Variants in PRKAG2 observed in about 807,000 individuals in gnomAD.
The protein encoded by PRKAG2 is protein kinase AMP-activated non-catalytic subunit gamma 2.
In PRKAG2, 26 loss-of-function variants were observed where a neutral mutation model predicts 69.6. That is an observed-to-expected ratio of 0.37 (90% confidence interval 0.27 to 0.52). The LOEUF (loss-of-function observed/expected upper bound fraction) is 0.52. PRKAG2 is among the 20% of genes least tolerant of loss of function. The pLI is 0.90. For synonymous variants in PRKAG2, 293 were observed against 285.0 expected (o/e 1.03, Z -0.28); for missense variants, 557 against 740.0 (o/e 0.75, Z 2.87).
At chr7:151,708,155 G>C (rs537722424) in intron 3 of PRKAG2, among the ~76,000 whole-genome samples, 140 of 152,310 alleles carry the variant, frequency 9.2e-4, no homozygotes, top group African/African-American at 3.3e-3. Flanking sequence ...CTGAACCCAG[G>C]GTTGTCAGGC....
intron 1 of PRKAG2, among the ~76,000 whole-genome samples, chr7:151,871,639 T>G (rs1307924967): frequency 6.6e-6 from 1 of 152,216 alleles, no homozygotes; most frequent in Non-Finnish European, 1.5e-5. Flanking sequence ...AATTACTTAG[T>G]AGTTCTAGGT....
At chr7:151,667,636 A>T (rs1831242734) in intron 4 of PRKAG2, among the ~76,000 whole-genome samples, 1 of 152,204 alleles carries the variant, frequency 6.6e-6, no homozygotes. Flanking sequence ...AGGAGGAACT[A>T]CCGTGTGCCT....
rs573200646 is a variant in PRKAG2, at chr7:151,560,679, G to A, written c.1585-62C>T. On this transcript the variant is annotated intron_variant, in intron 14 of 15. Transcript: ENST00000287878. ...TTTAAAAAAGGTTTAAAATGGACAT[G>A]AGAAATAATGTCCTGTCATGTTTTT... 568 of 1,583,664 alleles carry A rather than the reference G, an allele frequency of 3.6e-4. 7 individuals carry two copies. In the South Asian group the frequency reaches 5.8e-3, roughly 16 times the overall value.
At chr7:151,569,916 C>T (rs1807148986) in intron 10 of PRKAG2, among the ~76,000 whole-genome samples, 1 of 152,138 alleles carries the variant, frequency 6.6e-6, no homozygotes. Flanking sequence ...TCAACACGCC[C>T]CCCAGATTGG....
intron 1 of PRKAG2, among the ~76,000 whole-genome samples, chr7:151,795,676 C>T (rs1458941639): frequency 6.6e-6 from 1 of 151,682 alleles, no homozygotes; most frequent in Non-Finnish European, 1.5e-5. Context: ...TGTGGGTGGG[C>T]CTCCCCCAAT....
intron 4 of PRKAG2, among the ~76,000 whole-genome samples, chr7:151,667,268 T>C (rs1831191832): frequency 6.6e-6 from 1 of 152,198 alleles, no homozygotes. Context: ...CTCAGAGCAC[T>C]TCATGATAAA....
intron 12 of PRKAG2, 146 bp downstream of exon 12, chr7:151,565,574 C>T (rs764415557): frequency 5.6e-5 from 65 of 1,161,394 alleles, no homozygotes; most frequent in Non-Finnish European, 6.4e-5. Context: ...ACTTTTTTTA[C>T]GATCCTGCGT....
chr7:151,719,763 T>C lies in PRKAG2; in HGVS notation c.467-44126A>G, dbSNP rs1333059072. On this transcript the variant is annotated intron_variant, in intron 3 of 15. Transcript: ENST00000287878. This position sits in a 1 kb window ranked among gnomAD's most constrained non-coding sequence, Gnocchi z 5.2. ...CCTATGTGGGCCTGGCACCCTGATC[T>C]GTTCTCAACAAGAAACTGGAGCCTG... 6.7e-6 allele frequency among the ~76,000 whole-genome samples: 1 copy of C among 149,684 alleles called. No individual in the cohort carries two copies. Among genetic ancestry groups the C allele is most frequent in the Non-Finnish European group, 1.5e-5 (1 of 67,482 alleles).
intron 3 of PRKAG2, among the ~76,000 whole-genome samples, chr7:151,772,033 C>A (rs1200478033): frequency 1.3e-5 from 2 of 152,240 alleles, no homozygotes; most frequent in Non-Finnish European, 2.9e-5. Context: ...GAATTCCTGT[C>A]CTCAGACAGT....
At chr7:151,669,950 AACTTGTCACACACCTG>A (rs1361832136) in intron 4 of PRKAG2, among the ~76,000 whole-genome samples, 7 of 118,756 alleles carry the variant, frequency 5.9e-5, no homozygotes, top group African/African-American at 2.0e-4. Flanking sequence ...TTGCATGTAC[AACTTGTCACACACCTG>A]CACACACCTG....
At chr7:151,640,864 AG>A (rs1256755983) in intron 4 of PRKAG2, among the ~76,000 whole-genome samples, 1 of 152,246 alleles carries the variant, frequency 6.6e-6, no homozygotes, top group Non-Finnish European at 1.5e-5. Flanking sequence ...TGTGACACAT[AG>A]TAGGCATTCA....
intron 1 of PRKAG2, among the ~76,000 whole-genome samples, chr7:151,794,468 T>C (rs80240081): frequency 0.029 from 4,436 of 152,326 alleles, 213 homozygotes; most frequent in African/African-American, 0.099. Flanking sequence ...CCAGAGGACG[T>C]CATCAAAGGC....
Position 151,781,329 on chromosome 7 carries a change from T to C in PRKAG2, c.289A>G (p.Thr97Ala), listed in dbSNP as rs1426170956. 13 of 1,613,800 alleles carry C rather than the reference T, an allele frequency of 8.1e-6. No homozygotes were observed. The highest frequency in any genetic ancestry group is 1.1e-5 in the Non-Finnish European group (13 of 1,179,928). Residue 97 changes from threonine (T) to alanine (A), a missense_variant, in exon 3 of 16, where the codon ACC becomes GCC. Physicochemically the swap from Thr to Ala is moderately conservative, Grantham distance 58. This residue lies in a region of PRKAG2 where 352 missense variants were observed against 356.7 expected (regional missense o/e 0.99). Transcript: ENST00000287878. This position sits in a 1 kb window ranked among gnomAD's most constrained non-coding sequence, Gnocchi z 6.1. ...ACGGTTTTGGGAGAGCCGGGGCTGG[T>C]CTTGGGCCTCACAGGTGCAGACATG... ...SPMSAPVRPK[T>A]SPGSPKTVFP...
At chr7:151,558,174 G>T in intron 15 of PRKAG2, 1 of 985,476 alleles carries the variant, frequency 1.0e-6, no homozygotes, top group Non-Finnish European at 1.2e-6. Flanking sequence ...ACAATGAACT[G>T]TTGCTAAAAA....
intron 4 of PRKAG2, among the ~76,000 whole-genome samples, chr7:151,673,440 G>A (rs751424964): frequency 1.3e-5 from 2 of 152,060 alleles, no homozygotes; most frequent in Non-Finnish European, 2.9e-5. Context: ...CCCTCCTGTA[G>A]GGCCGACTGT....
At chr7:151,799,901 G>A (rs1261298885) in intron 1 of PRKAG2, among the ~76,000 whole-genome samples, 1 of 152,160 alleles carries the variant, frequency 6.6e-6, no homozygotes, top group African/African-American at 2.4e-5. Flanking sequence ...TCACGGGTGG[G>A]CTAACAACAC....
chr7:151,727,713 G>A (rs1293624554), intron 3 of PRKAG2, among the ~76,000 whole-genome samples: 1 of 147,312 alleles, frequency 6.8e-6, no homozygotes, highest in Non-Finnish European at 1.5e-5. Context: ...GCCCAGGAGC[G>A]AGAAGGAGGG....
intron 4 of PRKAG2, among the ~76,000 whole-genome samples, chr7:151,657,236 TA>T (rs1232836438): frequency 6.6e-6 from 1 of 152,176 alleles, no homozygotes; most frequent in Non-Finnish European, 1.5e-5. Context: ...CCATAGTGTA[TA>T]TAAAATGAAG....
rs1214141191 is a variant in PRKAG2, at chr7:151,814,414, A to G, written c.115-27873T>C. 6 of 1,227,242 alleles carry G rather than the reference A, an allele frequency of 4.9e-6. No individual in the cohort carries two copies. 76.0% of individuals were successfully genotyped at this position (1,227,242 alleles called of 1,614,324 possible). A position where few individuals can be genotyped will look rare whatever the true frequency, so the allele number is the denominator to read the frequency against. ...AAAGCCAGCTCCCGCAGGTCTGCTT[A>G]CTCAGCCCCAAGGGGTCCTGGAGGT... On this transcript the variant is annotated intron_variant, in intron 1 of 15. Coordinates refer to ENST00000287878, the MANE Select transcript of PRKAG2 (RefSeq NM_016203.4). The surrounding 1 kb of genome is among the most constrained non-coding windows in gnomAD (Gnocchi z 4.8).
Sources: allele counts gnomAD v4.1 joint callset (sites outside exome capture counted in the v4.1 genomes callset), GRCh38; gene constraint gnomAD v4.1.1; regional missense constraint gnomAD v4.1.1; non-coding constraint Gnocchi (gnomAD v3.1); transcripts MANE v1.5; gene names NCBI Gene and HGNC (gene_info 2026-07-23, HGNC 2026-07-21).